Variants in GLIS3 observed in about 807,000 individuals in gnomAD.
GLIS3 encodes zinc finger protein GLIS3.
A neutral mutation model predicts 78.6 loss-of-function variants in GLIS3; 53 were observed. That is an observed-to-expected ratio of 0.67 (90% CI 0.54 to 0.85). The LOEUF (loss-of-function observed/expected upper bound fraction) is 0.85. Ranked by LOEUF, GLIS3 falls within the 40% of genes least tolerant of loss-of-function variation. GLIS3 has a pLI of 0.00. For missense variants in GLIS3, 1,703 were observed against 1,231.1 expected (o/e 1.38, Z -5.74); for synonymous variants, 684 against 509.9 (o/e 1.34, Z -4.60).
chr9:4,198,624 C>T (rs1819082359), intron 2 of GLIS3, among the ~76,000 whole-genome samples: 2 of 152,010 alleles, frequency 1.3e-5, no homozygotes, highest in South Asian at 4.2e-4. Context: ...AAGAAAATAC[C>T]TTGGAAAACA....
At chr9:3,873,777 A>G (rs370128726) in intron 8 of GLIS3, among the ~76,000 whole-genome samples, 1 of 152,234 alleles carries the variant, frequency 6.6e-6, no homozygotes, top group African/African-American at 2.4e-5. Flanking sequence ...TAGCAATGCT[A>G]TATCTGAAAT....
chr9:4,072,690 TA>T (rs1827712550), intron 4 of GLIS3, among the ~76,000 whole-genome samples: 10 of 152,112 alleles, frequency 6.6e-5, no homozygotes, highest in Admixed American at 6.5e-4. Flanking sequence ...ACATCCTGCT[TA>T]TTACCGAGAT....
chr9:4,225,944 C>T (rs1426368372), intron 2 of GLIS3, among the ~76,000 whole-genome samples: 1 of 152,192 alleles, frequency 6.6e-6, no homozygotes, highest in East Asian at 1.9e-4. Context: ...AGTGCAAGAA[C>T]ACTTATTAGC....
intron 4 of GLIS3, among the ~76,000 whole-genome samples, chr9:4,033,101 C>A (rs1292993588): frequency 6.6e-6 from 1 of 152,092 alleles, no homozygotes; most frequent in Non-Finnish European, 1.5e-5. Flanking sequence ...GATCCACCTG[C>A]CTCAGTCTCC....
At chr9:4,469,037 A>G in the GLIS3 span, among the ~76,000 whole-genome samples, 10 of 152,278 alleles carry the variant, frequency 6.6e-5, no homozygotes, top group East Asian at 1.9e-3. Flanking sequence ...AAGAGACAAA[A>G]AAGGCCATTA....
rs1442638633 is a variant in GLIS3 at position 4,041,297 on chromosome 9, G to A, written c.1710+76471C>T. Among the ~76,000 whole-genome samples, 26 of 152,174 alleles carry A rather than the reference G, an allele frequency of 1.7e-4. 1 individual carries two copies. Among genetic ancestry groups the A allele is most frequent in the Admixed American group, 1.7e-3 (26 of 15,280 alleles). On this transcript the variant is annotated intron_variant, in intron 4 of 10. Coordinates refer to ENST00000381971, the MANE Select transcript of GLIS3 (RefSeq NM_001042413.2). Reference sequence around the variant, plus strand: ...GCCTCTATTTCCCTCTACCAACTAGGGATAAGGGAAACTGCCAAACATCCT... The same window carrying A: ...GCCTCTATTTCCCTCTACCAACTAGAGATAAGGGAAACTGCCAAACATCCT...
chr9:4,263,005 G>T, intron 2 of GLIS3, among the ~76,000 whole-genome samples: 1 of 150,910 alleles, frequency 6.6e-6, no homozygotes, highest in South Asian at 2.1e-4. Context: ...GGTGCCTTCA[G>T]AGAATAGTTT....
chr9:4,245,111 T>C (rs1823680602), intron 2 of GLIS3, among the ~76,000 whole-genome samples: 1 of 152,172 alleles, frequency 6.6e-6, no homozygotes, highest in Non-Finnish European at 1.5e-5. Context: ...CGTGTCTAGG[T>C]ATGTATGTAT....
At chr9:3,862,759 C>T (rs564706311) in intron 8 of GLIS3, among the ~76,000 whole-genome samples, 65 of 152,106 alleles carry the variant, frequency 4.3e-4, no homozygotes, top group African/African-American at 1.4e-3. Flanking sequence ...TTTCCCTCCG[C>T]CCCCCGTCTC....
chr9:4,260,761 G>A (rs928115722), intron 2 of GLIS3, among the ~76,000 whole-genome samples: 14 of 151,686 alleles, frequency 9.2e-5, no homozygotes, highest in South Asian at 4.2e-4. Context: ...GAAAAAAAAA[G>A]AAAAAAAGGA....
chr9:4,318,620 C>T (rs928004103), intron 2 of GLIS3, among the ~76,000 whole-genome samples: 1 of 151,982 alleles, frequency 6.6e-6, no homozygotes, highest in South Asian at 2.1e-4. Context: ...GATGTTCACA[C>T]AGAGATAAAA....
the GLIS3 span, among the ~76,000 whole-genome samples, chr9:4,426,976 C>T: frequency 6.6e-6 from 1 of 152,168 alleles, no homozygotes; most frequent in Admixed American, 6.5e-5. Context: ...TGGATGAGGA[C>T]AGAGAGTAGA....
chr9:4,365,781 G>A, the GLIS3 span, among the ~76,000 whole-genome samples: 2 of 152,196 alleles, frequency 1.3e-5, no homozygotes, highest in Admixed American at 1.3e-4. Flanking sequence ...TAATATAGTG[G>A]AAAAATCACG....
At chr9:4,384,423 A>C in the GLIS3 span, among the ~76,000 whole-genome samples, 1 of 152,068 alleles carries the variant, frequency 6.6e-6, no homozygotes, top group Non-Finnish European at 1.5e-5. Context: ...TGTGTTCTTT[A>C]ACAAGGACTA....
the GLIS3 span, chr9:4,490,418 A>T: frequency 4.0e-6 from 1 of 248,518 alleles, no homozygotes; most frequent in Non-Finnish European, 7.5e-6. Context: ...TGGTTGGCCC[A>T]GGCGCCGCAG....
Position 4,286,137 on chromosome 9 carries a change from G to T in GLIS3, c.289C>A (p.Arg97=), listed in dbSNP as rs780019691. Reference sequence around the variant, plus strand: ...CCTCCAGCCTGGGTGACCTGGAATCGCGGCTTCCCATTGGTGAGCATTTGT... The same window carrying T: ...CCTCCAGCCTGGGTGACCTGGAATCTCGGCTTCCCATTGGTGAGCATTTGT... ...RRQMLTNGKP[R]FQVTQAGGMS... Residue 97 remains arginine (R), a synonymous_variant, in exon 2 of 11, where the codon CGA becomes AGA. Coordinates refer to ENST00000381971, the MANE Select transcript of GLIS3 (RefSeq NM_001042413.2). 6.2e-7 allele frequency: 1 copy of T among 1,613,732 alleles called. No individual in the cohort carries two copies. The highest frequency in any genetic ancestry group is 1.1e-5 in the South Asian group (1 of 91,076).
intron 8 of GLIS3, among the ~76,000 whole-genome samples, chr9:3,878,179 T>C (rs1563804700): frequency 6.6e-6 from 1 of 152,066 alleles, no homozygotes; most frequent in African/African-American, 2.4e-5. Flanking sequence ...CCTACATCAC[T>C]GTGTCTTTCT....
intron 2 of GLIS3, among the ~76,000 whole-genome samples, chr9:4,194,474 A>G (rs1323641002): frequency 6.6e-6 from 1 of 152,214 alleles, no homozygotes; most frequent in Non-Finnish European, 1.5e-5. Context: ...TTTTTCCAAG[A>G]TGGTAGATTC....
the GLIS3 span, among the ~76,000 whole-genome samples, chr9:4,406,544 C>T: frequency 6.6e-6 from 1 of 152,048 alleles, no homozygotes; most frequent in Admixed American, 6.6e-5. Context: ...TGATCTTATA[C>T]TTGGAAAAAC....
Sources: gnomAD v4.1 joint callset for allele counts (sites outside exome capture counted in the v4.1 genomes callset) on GRCh38, gnomAD v4.1.1 for gene constraint, MANE v1.5 for transcripts, NCBI Gene and HGNC (gene_info 2026-07-23, HGNC 2026-07-21) for gene names.